PAPLN: variants seen among roughly 807,000 people sequenced by gnomAD.
PAPLN encodes the protein papilin, proteoglycan like sulfated glycoprotein, also known as papilin.
A neutral mutation model predicts 159.0 loss-of-function variants in PAPLN; 146 were observed. The observed-to-expected ratio is 0.92, with a 90% confidence interval of 0.80 to 1.05. The LOEUF (loss-of-function observed/expected upper bound fraction) is 1.05. PAPLN is among the 50% of genes least tolerant of loss of function. The pLI is 0.00. For missense variants in PAPLN, 1,720 were observed against 1,743.9 expected (o/e 0.99, Z 0.24); for synonymous variants, 734 against 702.9 (o/e 1.04, Z -0.70).
In PAPLN at chr14:73,247,984, CTGTGTGTGTGTGTG is replaced by C. The variant is rs60942606; in HGVS notation, c.334+1841_334+1854del. On this transcript the variant is annotated intron_variant, in intron 5 of 26. Transcript: ENST00000644200. ...TGGCCCACTGGGAGTCTCATATCCT[CTGTGTGTGTGTGTG>C]TGTGTGTGTGTGTGTGTGTGTGTGT... Among the ~76,000 whole-genome samples the C allele has an allele frequency of 2.5e-3, 48 of 19,378 alleles. 1 individual carries two copies. Among genetic ancestry groups the C allele is most frequent in the Admixed American group, 0.013 (16 of 1,212 alleles). 12.7% of individuals were successfully genotyped at this position (19,378 alleles called of 152,430 possible). A position where few individuals can be genotyped will look rare whatever the true frequency, so the allele number is the denominator to read the frequency against.
chr14:73,272,774 G>C lies in PAPLN; in HGVS notation c.*110G>C. The C allele has an allele frequency of 9.7e-6, 12 of 1,237,944 alleles. No individual in the cohort carries two copies. The highest frequency in any genetic ancestry group is 1.3e-5 in the Non-Finnish European group (12 of 935,788). 76.7% of individuals were successfully genotyped at this position (1,237,944 alleles called of 1,614,324 possible). The stretch of plus-strand genomic sequence containing the variant: ...GGCTGGCAAAGGGAGTTATCTTCTG[G>C]AATACATTAGCTCTTTCAAAAACCC... On this transcript the variant is annotated 3_prime_UTR_variant, in exon 27 of 27. Coordinates refer to ENST00000644200, the MANE Select transcript of PAPLN (RefSeq NM_001365906.3).
Position 73,263,783 on chromosome 14 carries a change from G to A in PAPLN, c.2861+1G>A. 1 of 1,600,104 alleles carries A rather than the reference G, an allele frequency of 6.2e-7. No individual in the cohort carries two copies. The highest frequency in any genetic ancestry group is 8.5e-7 in the Non-Finnish European group (1 of 1,179,028). On this transcript the variant is annotated splice_donor_variant, in intron 20 of 26. Transcript: ENST00000644200. LOFTEE classifies it high-confidence loss of function. The stretch of plus-strand genomic sequence containing the variant: ...ATGGCCAGCCCATCTCCTCTGACAG[G>A]TGGGTGAGAGTCCCCCCACCTCCTC...
intron 11 of PAPLN, among the ~76,000 whole-genome samples, chr14:73,253,414 C>G (rs1049926363): frequency 6.6e-6 from 1 of 152,202 alleles, no homozygotes; most frequent in Admixed American, 6.5e-5. Flanking sequence ...AGCACAGCCT[C>G]TCCAGGAGCT....
Position 73,246,195 on chromosome 14 carries a change from GCT to G in PAPLN, c.334+26_334+27del. 6.4e-7 allele frequency: 1 copy of G among 1,554,024 alleles called. No individual in the cohort carries two copies. The highest frequency in any genetic ancestry group is 8.7e-7 in the Non-Finnish European group (1 of 1,155,172). On this transcript the variant is annotated intron_variant, in intron 5 of 26. Transcript: ENST00000644200. The stretch of plus-strand genomic sequence containing the variant: ...ACAGCGGTGAGCGCGGCCGGGACTC[GCT>G]CTCTCGGGGCCTCTTGTATACCTAC...
chr14:73,256,592 C>G (rs1299523119), intron 14 of PAPLN, among the ~76,000 whole-genome samples: 3 of 151,210 alleles, frequency 2.0e-5, no homozygotes, highest in African/African-American at 4.9e-5. Flanking sequence ...TCTTCCAACC[C>G]CAAATTATTG....
chr14:73,272,461 C>A, intron 26 of PAPLN, 34 bp from the exon 27 acceptor site: 1 of 1,481,902 alleles, frequency 6.7e-7, no homozygotes, highest in Non-Finnish European at 9.0e-7. Context: ...ACAGAGCTTC[C>A]TCACCACCTT....
intron 10 of PAPLN, 92 bp downstream of exon 10, chr14:73,252,233 C>A: frequency 6.9e-7 from 1 of 1,455,872 alleles, no homozygotes; most frequent in Admixed American, 2.4e-5. Flanking sequence ...CTCCTCAAGG[C>A]AGTCCCTCCT....
rs1885059781 is a variant in PAPLN, at chr14:73,250,063, G to A, written c.414G>A (p.Gly138=). The change falls in exon 6 of 27, where the codon GGG becomes GGA. Residue 138 remains glycine, a synonymous_variant. Coordinates refer to ENST00000644200, the MANE Select transcript of PAPLN (RefSeq NM_001365906.3). ...YYKHREAVVD[G]TPCEPGKRDV... ...AGCACAGGGAGGCTGTGGTTGATGGGACGCCCTGCGAGCCTGGCAAGAGGG... is the reference window on the plus strand; with the variant it reads ...AGCACAGGGAGGCTGTGGTTGATGGAACGCCCTGCGAGCCTGGCAAGAGGG... 1 of 1,613,048 alleles carries A rather than the reference G, an allele frequency of 6.2e-7. No homozygotes were observed. The highest frequency in any genetic ancestry group is 8.5e-7 in the Non-Finnish European group (1 of 1,179,584).
intron 13 of PAPLN, 69 bp from the exon 14 acceptor site, chr14:73,254,808 C>A (rs1885709088): frequency 1.3e-6 from 2 of 1,595,848 alleles, no homozygotes; most frequent in South Asian, 2.2e-5. Flanking sequence ...TCCCCTGCCT[C>A]TCTCCATGTG....
In PAPLN at chr14:73,254,474, G is replaced by A. The variant is rs201057410; in HGVS notation, c.1303-39G>A. The A allele has an allele frequency of 8.3e-4, 1,329 of 1,605,510 alleles. 4 individuals carry two copies. The highest frequency in any genetic ancestry group is 1.0e-3 in the Non-Finnish European group (1,199 of 1,175,228). On this transcript the variant is annotated intron_variant, in intron 12 of 26. Coordinates refer to ENST00000644200, the MANE Select transcript of PAPLN (RefSeq NM_001365906.3). ...TGTCCGAACTGGCGTGGCTCCTGGGGGCAAGGCCGAGCTTCTGCTGACAGC... is the reference window on the plus strand; with the variant it reads ...TGTCCGAACTGGCGTGGCTCCTGGGAGCAAGGCCGAGCTTCTGCTGACAGC...
rs1470609697 is a variant in PAPLN, at chr14:73,254,676, A to G, written c.1466A>G (p.His489Arg). The change falls in exon 13 of 27, where the codon CAT becomes CGT. Residue 489 changes from histidine to arginine, a missense_variant. His to Arg is a conservative substitution (Grantham distance 29). Transcript: ENST00000644200. ...DCPLLSDQAW[H>R]VGTWGLCSKS... ...CCCCTCCTCAGTGACCAGGCCTGGC[A>G]TGTTGGCACCTGGGGTCTAGTGAGT... The G allele has an allele frequency of 1.9e-6, 3 of 1,613,900 alleles. No individual in the cohort carries two copies. Among genetic ancestry groups the G allele is most frequent in the African/African-American group, 2.7e-5 (2 of 75,028 alleles).
rs376611921 is a variant in PAPLN, at chr14:73,254,530, C to T, written c.1320C>T (p.Gly440=). Residue 440 remains glycine, a synonymous_variant, in exon 13 of 27, where the codon GGC becomes GGT. Coordinates refer to ENST00000644200, the MANE Select transcript of PAPLN (RefSeq NM_001365906.3). ...CCTTGCAGTGTTCTGTCAGTTGTGG[C>T]GTTGGCGTCCGGAAGCGGAGCGTTA... ...EPWGECSVSC[G]VGVRKRSVTC... 5.0e-6 allele frequency: 8 copies of T among 1,613,800 alleles called. No homozygotes were observed. The highest frequency in any genetic ancestry group is 5.9e-6 in the Non-Finnish European group (7 of 1,179,860).
Position 73,272,499 on chromosome 14 carries a change from C to A in PAPLN, c.3672C>A (p.Pro1224=), listed in dbSNP as rs1044515324. The change falls in exon 27 of 27, where the codon CCC becomes CCA. Residue 1224 remains proline (P), a synonymous_variant. Transcript: ENST00000644200. The part of the protein sequence containing the change: ...STEVKVVSPA[P]TAQPRDPGRD... ...CTCTCCCCTGTCGTTCTGCAGCACC[C>A]ACCGCCCAGCCCAGGGACCCTGGCA... 16 of 1,536,072 alleles carry A rather than the reference C, an allele frequency of 1.0e-5. No individual in the cohort carries two copies. Among genetic ancestry groups the A allele is most frequent in the Non-Finnish European group, 1.4e-5 (16 of 1,128,586 alleles).
At chr14:73,243,175 G>A (rs1883787944) in intron 2 of PAPLN, 3 of 152,214 alleles carry the variant, frequency 2.0e-5, no homozygotes, top group Admixed American at 2.0e-4. Context: ...TGTAGTTTTA[G>A]TAGAGACGGG....
chr14:73,272,336 T>G, intron 26 of PAPLN, 159 bp from the exon 27 acceptor site: 1 of 595,412 alleles, frequency 1.7e-6, no homozygotes, highest in East Asian at 2.9e-5. Context: ...CCTCATAGAG[T>G]TTGTACGTAT....
chr14:73,254,014 A>G (rs1301463527), intron 12 of PAPLN, 53 bp downstream of exon 12: 2 of 1,552,792 alleles, frequency 1.3e-6, no homozygotes, highest in Non-Finnish European at 1.7e-6. Context: ...AGCAGCAGGG[A>G]AGGGCTGGGG....
At chr14:73,262,080 G>A (rs866019621) in intron 18 of PAPLN, 26 of 417,048 alleles carry the variant, frequency 6.2e-5, no homozygotes, top group East Asian at 5.8e-4. Flanking sequence ...CAAGGGAGCC[G>A]GCCCAGGGAG....
Position 73,266,483 on chromosome 14 carries a change from G to A in PAPLN, c.3264-18G>A. The A allele has an allele frequency of 6.2e-7, 1 of 1,613,212 alleles. No individual in the cohort carries two copies. Among genetic ancestry groups the A allele is most frequent in the Non-Finnish European group, 8.5e-7 (1 of 1,179,630 alleles). On this transcript the variant is annotated intron_variant, in intron 23 of 26. Transcript: ENST00000644200. ...AGGCTCCTTGGGCTGGAGCCAACTG[G>A]CTGTACTTGGTCCCCAGACACCAGC...
chr14:73,263,385 C>T (rs916669876), intron 19 of PAPLN: 20 of 566,420 alleles, frequency 3.5e-5, no homozygotes, highest in African/African-American at 5.6e-5. Flanking sequence ...CTCCCCACCC[C>T]TTGGGCTTTG....
Sources: gnomAD v4.1 joint callset for allele counts (sites outside exome capture counted in the v4.1 genomes callset) on GRCh38, gnomAD v4.1.1 for gene constraint, MANE v1.5 for transcripts, NCBI Gene and HGNC (gene_info 2026-07-23, HGNC 2026-07-21) for gene names.